The following LINGO2 variants were observed in gnomAD, a reference collection of about 807,000 sequenced individuals.
LINGO2 encodes the protein leucine rich repeat and Ig domain containing 2, also known as leucine-rich repeat and immunoglobulin-like domain-containing nogo receptor-interacting protein 2.
In LINGO2, 14 loss-of-function variants were observed where a neutral mutation model predicts 30.6. That is an observed-to-expected ratio of 0.46 (90% CI 0.30 to 0.72). The LOEUF (loss-of-function observed/expected upper bound fraction) is 0.72, where lower values mean the gene tolerates loss of function less well. Ranked by LOEUF, LINGO2 falls within the 30% of genes least tolerant of loss-of-function variation. The probability of loss-of-function intolerance (pLI) is 0.07; values close to 1 mark genes in which losing one functional copy is unlikely to be tolerated. For synonymous variants in LINGO2, 317 were observed against 288.5 expected, an observed-to-expected ratio of 1.10 and a Z score of -1.00; for missense variants, 729 against 751.7, an observed-to-expected ratio of 0.97 and a Z score of 0.35.
intron 1 of LINGO2, among the ~76,000 whole-genome samples, chr9:28,613,469 T>C (rs182184559): frequency 1.2e-3 from 173 of 148,776 alleles, no homozygotes; most frequent in Admixed American, 6.7e-3. Flanking sequence ...TATATATATA[T>C]TTATCTACTA....
chr9:28,025,794 C>A (rs1823347981), intron 4 of LINGO2, among the ~76,000 whole-genome samples: 1 of 152,168 alleles, frequency 6.6e-6, no homozygotes, highest in African/African-American at 2.4e-5. Flanking sequence ...AGACAAACGA[C>A]ACTTTTGAAG....
chr9:28,735,999 C>T, the LINGO2 span, among the ~76,000 whole-genome samples: 1,254 of 152,238 alleles, frequency 8.2e-3, 7 homozygotes, highest in Non-Finnish European at 0.013. Context: ...CATTAAAAGA[C>T]ACTGAACATA....
chr9:27,991,302 A>G (rs1821387740), intron 5 of LINGO2, among the ~76,000 whole-genome samples: 1 of 152,042 alleles, frequency 6.6e-6, no homozygotes, highest in African/African-American at 2.4e-5. Flanking sequence ...CCTTCTCTGA[A>G]GAGCTTAGAG....
chr9:28,367,003 C>A (rs10968534), intron 3 of LINGO2, among the ~76,000 whole-genome samples: 1 of 151,596 alleles, frequency 6.6e-6, no homozygotes, highest in Non-Finnish European at 1.5e-5. Flanking sequence ...TCTTTCTCAT[C>A]GATTTCCCAC....
At chr9:28,349,732 T>G (rs1257287780) in intron 3 of LINGO2, among the ~76,000 whole-genome samples, 8 of 147,816 alleles carry the variant, frequency 5.4e-5, no homozygotes, top group Non-Finnish European at 1.0e-4. Flanking sequence ...GGAAAAAATG[T>G]TAAGGGCAGC....
At chr9:28,007,914 T>G (rs1822346957) in intron 5 of LINGO2, among the ~76,000 whole-genome samples, 1 of 152,170 alleles carries the variant, frequency 6.6e-6, no homozygotes, top group South Asian at 2.1e-4. Flanking sequence ...CAAACAAGCC[T>G]AATGTTCAAA....
chr9:28,772,817 A>C, the LINGO2 span, among the ~76,000 whole-genome samples: 7,470 of 152,240 alleles, frequency 0.049, 252 homozygotes, highest in South Asian at 0.068. Context: ...GGAGTTCTGA[A>C]GCTCCAGTAG....
At chr9:29,134,199 G>C in the LINGO2 span, among the ~76,000 whole-genome samples, 1 of 151,972 alleles carries the variant, frequency 6.6e-6, no homozygotes, top group African/African-American at 2.4e-5. Context: ...AAAATCCTTT[G>C]TGTTCCAACT....
chr9:28,651,162 G>A lies in LINGO2; in HGVS notation c.-365+19038C>T, dbSNP rs565941822. Among the ~76,000 whole-genome samples, 7 of 149,722 alleles carry A rather than the reference G, an allele frequency of 4.7e-5. No homozygotes were observed. In the South Asian group the frequency reaches 6.4e-4, roughly 14 times the overall value. On this transcript the variant is annotated intron_variant, in intron 1 of 5. Transcript: ENST00000379992. ...TGTGACACTGTACTCCAGCCTGGGC[G>A]ACAGAGCAAGACTCAGTCTCAAAAA...
intron 1 of LINGO2, among the ~76,000 whole-genome samples, chr9:28,584,362 A>G (rs930015743): frequency 6.6e-6 from 1 of 152,072 alleles, no homozygotes; most frequent in African/African-American, 2.4e-5. Context: ...TGAAGCACTA[A>G]AATCATACTT....
chr9:28,350,001 A>G (rs1222202678), intron 3 of LINGO2, among the ~76,000 whole-genome samples: 11 of 152,094 alleles, frequency 7.2e-5, no homozygotes, highest in Admixed American at 2.0e-4. Context: ...TGAAGGAAGC[A>G]CTAAACATGG....
At chr9:28,292,394 T>C (rs1455452845) in intron 4 of LINGO2, among the ~76,000 whole-genome samples, 3 of 152,230 alleles carry the variant, frequency 2.0e-5, no homozygotes, top group Admixed American at 1.3e-4. Context: ...CTTTCTGTTA[T>C]TGATTTCTAG....
chr9:29,136,105 A>T, the LINGO2 span, among the ~76,000 whole-genome samples: 7 of 152,134 alleles, frequency 4.6e-5, no homozygotes, highest in Non-Finnish European at 7.4e-5. Flanking sequence ...TCTGGCTGAC[A>T]CTTTCTTTCA....
intron 4 of LINGO2, among the ~76,000 whole-genome samples, chr9:28,236,687 A>G (rs953562970): frequency 2.6e-5 from 4 of 152,174 alleles, no homozygotes; most frequent in African/African-American, 9.7e-5. Flanking sequence ...AATCAAAACA[A>G]TTGAAACCAT....
the LINGO2 span, among the ~76,000 whole-genome samples, chr9:29,129,033 T>G: frequency 6.6e-6 from 1 of 152,178 alleles, no homozygotes; most frequent in African/African-American, 2.4e-5. Context: ...TATTTGCCTT[T>G]GCTAGATACT....
chr9:27,959,684 G>C (rs561674288), intron 5 of LINGO2, among the ~76,000 whole-genome samples: 1 of 152,014 alleles, frequency 6.6e-6, no homozygotes, highest in Non-Finnish European at 1.5e-5. Flanking sequence ...TGTTTTATTG[G>C]ACCAGCGTAT....
the LINGO2 span, among the ~76,000 whole-genome samples, chr9:28,940,853 G>C: frequency 3.9e-5 from 6 of 152,004 alleles, no homozygotes; most frequent in Admixed American, 3.9e-4. Flanking sequence ...CAATTACAGA[G>C]ACTAAACACA....
chr9:28,537,274 C>A (rs1821474388), intron 1 of LINGO2, among the ~76,000 whole-genome samples: 1 of 152,074 alleles, frequency 6.6e-6, no homozygotes, highest in African/African-American at 2.4e-5. Context: ...TGATACCATG[C>A]AGTTGTGGTA....
intron 3 of LINGO2, among the ~76,000 whole-genome samples, chr9:28,371,213 A>G (rs1214820473): frequency 6.6e-6 from 1 of 152,226 alleles, no homozygotes; most frequent in African/African-American, 2.4e-5. Flanking sequence ...TATGGAGTAC[A>G]GTGTGGAGAT....
Sources: allele counts gnomAD v4.1 joint callset (sites outside exome capture counted in the v4.1 genomes callset), GRCh38; gene constraint gnomAD v4.1.1; transcripts MANE v1.5; gene names NCBI Gene and HGNC (gene_info 2026-07-23, HGNC 2026-07-21).